The following INSR variants were observed in gnomAD, a reference collection of about 807,000 sequenced individuals.
The protein encoded by INSR is IR.
A neutral mutation model predicts 142.6 loss-of-function variants in INSR; 67 were observed. The observed-to-expected ratio is 0.47, with a 90% CI of 0.39 to 0.58. The LOEUF (loss-of-function observed/expected upper bound fraction) is 0.58, where lower values mean the gene tolerates loss of function less well. Among genes scored for constraint, INSR ranks in the 20% least tolerant of loss-of-function variants. The probability of loss-of-function intolerance (pLI) is 0.00; values close to 1 mark genes in which losing one functional copy is unlikely to be tolerated. For missense variants in INSR, 1,248 were observed against 1,833.2 expected (o/e 0.68, Z 5.83); for synonymous variants, 756 against 743.1 (o/e 1.02, Z -0.28).
chr19:7,178,478 T>C (rs1386208038), intron 3 of INSR, among the ~76,000 whole-genome samples: 1 of 152,130 alleles, frequency 6.6e-6, no homozygotes, highest in Non-Finnish European at 1.5e-5. Flanking sequence ...CCTAGCACTT[T>C]GGGAGGCTGA....
chr19:7,229,760 C>CTTTTTT (rs71177180), intron 2 of INSR, among the ~76,000 whole-genome samples: 4 of 87,500 alleles, frequency 4.6e-5, no homozygotes, highest in African/African-American at 1.4e-4. Context: ...CATTTACAGT[C>CTTTTTT]TTTTTTTTTT....
chr19:7,268,474 C>T, intron 1 of INSR: 1 of 985,346 alleles, frequency 1.0e-6, no homozygotes, highest in Non-Finnish European at 1.2e-6. Context: ...CCTGAGTTCT[C>T]ATTCTCCTGA....
In INSR at chr19:7,119,567, G is replaced by C; in HGVS notation, c.3676C>G (p.Leu1226Val). ...TCTGCCAAGCTGGTGATTTCCCAAAGGACCACGCCAAAGGACCTGCCGATG... is the reference window on the plus strand; with the variant it reads ...TCTGCCAAGCTGGTGATTTCCCAAACGACCACGCCAAAGGACCTGCCGATG... ...SSDMWSFGVV[L>V]WEITSLAEQP... Residue 1226 changes from leucine to valine, a missense_variant, in exon 21 of 22, where the codon CTT (leucine) becomes GTT (valine). Around this residue, in one of 3 missense-constraint regions of INSR, gnomAD observed 1,069 missense variants for 1,654.0 expected, o/e 0.65. Coordinates refer to ENST00000302850, the MANE Select transcript of INSR (RefSeq NM_000208.4). This position sits in a 1 kb window ranked among gnomAD's most constrained non-coding sequence, Gnocchi z 5.2. 1 of 1,614,032 alleles carries C rather than the reference G, an allele frequency of 6.2e-7. No homozygotes were observed. The highest frequency in any genetic ancestry group is 2.2e-5 in the East Asian group (1 of 44,886).
chr19:7,139,821 CTTTTT>C (rs10673049), intron 13 of INSR, among the ~76,000 whole-genome samples: 2,410 of 115,720 alleles, frequency 0.021, 41 homozygotes, highest in African/African-American at 0.051. Flanking sequence ...GTTGCGTATT[CTTTTT>C]TTTTTTTTTT....
chr19:7,263,967 C>T (rs1050901191), intron 2 of INSR, among the ~76,000 whole-genome samples: 3 of 151,958 alleles, frequency 2.0e-5, no homozygotes, highest in Non-Finnish European at 4.4e-5. Flanking sequence ...GTCGGGAGTT[C>T]GAGACCAGCC....
intron 4 of INSR, among the ~76,000 whole-genome samples, chr19:7,172,987 A>G (rs1449565859): frequency 6.6e-6 from 1 of 152,186 alleles, no homozygotes; most frequent in Non-Finnish European, 1.5e-5. Flanking sequence ...TTATTGGAAC[A>G]AAGCCATGCC....
chr19:7,258,264 A>G (rs1173858146), intron 2 of INSR, among the ~76,000 whole-genome samples: 6 of 152,114 alleles, frequency 3.9e-5, no homozygotes, highest in African/African-American at 1.4e-4. Flanking sequence ...GCAAGACCCC[A>G]TCTCTACTAA....
chr19:7,173,836 G>T (rs1206069065), intron 4 of INSR, among the ~76,000 whole-genome samples: 2 of 151,676 alleles, frequency 1.3e-5, no homozygotes, highest in Non-Finnish European at 2.9e-5. Context: ...TGGCCAGGCT[G>T]GTCTTAAACT....
rs752961924 is a variant in INSR, at chr19:7,158,336, TA to T, written c.2029+4695del. Among the ~76,000 whole-genome samples, 122 of 151,500 alleles carry T rather than the reference TA, an allele frequency of 8.1e-4. 1 individual carries two copies. The highest frequency in any genetic ancestry group is 3.9e-3 in the East Asian group (20 of 5,146). Reference sequence around the variant, plus strand: ...TAACATGGTGAAACCCCGTCTCTACTAAAAAATACAAAAAATTAGCCGGGCG... The same window carrying T: ...TAACATGGTGAAACCCCGTCTCTACTAAAAATACAAAAAATTAGCCGGGCG... On this transcript the variant is annotated intron_variant, in intron 9 of 21. Coordinates refer to ENST00000302850, the MANE Select transcript of INSR (RefSeq NM_000208.4).
chr19:7,257,289 C>T (rs1976923883), intron 2 of INSR, among the ~76,000 whole-genome samples: 1 of 152,016 alleles, frequency 6.6e-6, no homozygotes, highest in Non-Finnish European at 1.5e-5. Context: ...CGTGTGCAGG[C>T]GTTACACTTT....
intron 2 of INSR, among the ~76,000 whole-genome samples, chr19:7,237,687 G>A (rs922896924): frequency 5.3e-5 from 8 of 151,892 alleles, no homozygotes; most frequent in African/African-American, 1.9e-4. Flanking sequence ...ATGGTGGCGG[G>A]TGCCTGTAGT....
At position 7,114,705 on chromosome 19, in the gene INSR, T is replaced by C. The variant is rs1392944297; in HGVS notation, c.*2351A>G. 6.6e-6 allele frequency: 1 copy of C among 152,648 alleles called. No homozygotes were observed. Among genetic ancestry groups the C allele is most frequent in the African/African-American group, 2.4e-5 (1 of 41,464 alleles). 9.5% of individuals were successfully genotyped at this position (152,648 alleles called of 1,614,324 possible). A position where few individuals can be genotyped will look rare whatever the true frequency, so the allele number is the denominator to read the frequency against. On this transcript the variant is annotated 3_prime_UTR_variant, in exon 22 of 22. Coordinates refer to ENST00000302850, the MANE Select transcript of INSR (RefSeq NM_000208.4). ...AAAATCACTATCCCCCATTCACCTG[T>C]TTATTTTTCTTTGATAAAAATTTAC...
At chr19:7,218,860 C>A (rs1207315392) in intron 2 of INSR, among the ~76,000 whole-genome samples, 1 of 151,990 alleles carries the variant, frequency 6.6e-6, no homozygotes, top group Non-Finnish European at 1.5e-5. Flanking sequence ...GTTGTTTGAG[C>A]AAAGATAATC....
rs778989302 is a variant in INSR, at chr19:7,172,312, G to A, written c.1246C>T (p.Arg416Ter). 7 of 1,613,890 alleles carry A rather than the reference G, an allele frequency of 4.3e-6. No individual in the cohort carries two copies. The highest frequency in any genetic ancestry group is 2.7e-5 in the African/African-American group (2 of 74,874). ...TACCCAATTTCCAAGGTCTCTCCTC[G>A]AATCAGACGTAACTTCCGGAAGAAG... ...LSFFRKLRLI[R>*]GETLEIGNYS... is the part of the protein sequence containing the mutation. The change falls in exon 5 of 22, where the codon CGA (arginine) becomes TGA (stop). Residue 416 changes from arginine to a stop codon, truncating the protein, a stop_gained. Coordinates refer to ENST00000302850, the MANE Select transcript of INSR (RefSeq NM_000208.4). LOFTEE classifies it high-confidence loss of function.
At chr19:7,191,631 G>A (rs1263540289) in intron 2 of INSR, among the ~76,000 whole-genome samples, 4 of 152,062 alleles carry the variant, frequency 2.6e-5, no homozygotes, top group Non-Finnish European at 4.4e-5. Context: ...GACTAGCCTG[G>A]GCAAAATAGC....
intron 2 of INSR, among the ~76,000 whole-genome samples, chr19:7,209,256 G>A (rs1349922596): frequency 1.3e-5 from 2 of 152,172 alleles, no homozygotes; most frequent in African/African-American, 4.8e-5. Flanking sequence ...TGCCCAGAAG[G>A]TCAAGGCTGC....
intron 10 of INSR, among the ~76,000 whole-genome samples, chr19:7,151,162 C>CTTTT (rs1359040007): frequency 8.7e-5 from 4 of 45,850 alleles, no homozygotes; most frequent in African/African-American, 2.0e-4. Flanking sequence ...TTCTTTCTTT[C>CTTTT]TCTTTCTTTC....
intron 19 of INSR, among the ~76,000 whole-genome samples, chr19:7,122,374 TGGAGGTTG>T (rs1305852135): frequency 6.8e-6 from 1 of 147,228 alleles, no homozygotes; most frequent in African/African-American, 2.5e-5. Context: ...ACCTGGGAGG[TGGAGGTTG>T]CAGTGAGCTG....
In INSR at chr19:7,195,079, T is replaced by C. The variant is rs376834313; in HGVS notation, c.653-10442A>G. On this transcript the variant is annotated intron_variant, in intron 2 of 21. Coordinates refer to ENST00000302850, the MANE Select transcript of INSR (RefSeq NM_000208.4). ...GAAAAAATCCCACAGTACTAGAAAA[T>C]GGCAAGAGTAAATCTTGTTGTGGGA... Among the ~76,000 whole-genome samples the C allele has an allele frequency of 2.0e-4, 30 of 152,080 alleles. No individual in the cohort carries two copies. The East Asian group carries it at 5.4e-3, about 27-fold the overall frequency.
Sources: gnomAD v4.1 joint callset for allele counts (sites outside exome capture counted in the v4.1 genomes callset) on GRCh38, gnomAD v4.1.1 for gene constraint, gnomAD v4.1.1 regional missense constraint, Gnocchi (gnomAD v3.1) non-coding constraint, MANE v1.5 for transcripts, NCBI Gene and HGNC (gene_info 2026-07-23, HGNC 2026-07-21) for gene names.